DENND2C: variants seen among roughly 807,000 people sequenced by gnomAD.
DENND2C encodes DENN domain containing 2C.
DENND2C carries 72 observed loss-of-function variants against 112.4 expected under a neutral mutation model. The observed-to-expected ratio is 0.64, with a 90% CI of 0.53 to 0.78. The LOEUF is 0.78. DENND2C is among the 30% of genes least tolerant of loss of function. The pLI is 0.00. For missense variants in DENND2C, 992 were observed against 1,113.8 expected, an observed-to-expected ratio of 0.89 and a Z score of 1.56; for synonymous variants, 329 against 381.6, an observed-to-expected ratio of 0.86 and a Z score of 1.61.
At chr1:114,634,746 G>A (rs993646035) in intron 3 of DENND2C, among the ~76,000 whole-genome samples, 3 of 151,860 alleles carry the variant, frequency 2.0e-5, no homozygotes, top group Non-Finnish European at 4.4e-5. Flanking sequence ...ACTGGAACAC[G>A]GCCGGGCATG....
At chr1:114,621,811 T>C (rs542956959) in intron 7 of DENND2C, 84 bp downstream of exon 7, 45 of 1,502,330 alleles carry the variant, frequency 3.0e-5, no homozygotes, top group Admixed American at 8.3e-5. Context: ...TAACCTATTA[T>C]TCATTTCGGT....
At chr1:114,647,245 TAATGTAA>T (rs1222299883) in intron 2 of DENND2C, among the ~76,000 whole-genome samples, 3 of 152,050 alleles carry the variant, frequency 2.0e-5, no homozygotes, top group Non-Finnish European at 4.4e-5. Context: ...TATGAATATA[TAATGTAA>T]ACAACCCTTT....
At chr1:114,653,299 G>C (rs1007294344) in intron 2 of DENND2C, among the ~76,000 whole-genome samples, 3 of 151,858 alleles carry the variant, frequency 2.0e-5, no homozygotes, top group Non-Finnish European at 2.9e-5. Flanking sequence ...AGTAGAGATC[G>C]GGTTTCATCA....
At chr1:114,609,805 A>T (rs947052283) in intron 9 of DENND2C, among the ~76,000 whole-genome samples, 1 of 152,232 alleles carries the variant, frequency 6.6e-6, no homozygotes, top group Non-Finnish European at 1.5e-5. Context: ...GAGCATTTTT[A>T]AAAAATGCAT....
chr1:114,655,851 C>T (rs1394955008), intron 1 of DENND2C, among the ~76,000 whole-genome samples: 1 of 138,428 alleles, frequency 7.2e-6, no homozygotes, highest in East Asian at 2.3e-4. Context: ...CTTACATGTA[C>T]AGCTCAAAGA....
intron 1 of DENND2C, among the ~76,000 whole-genome samples, chr1:114,659,564 T>C (rs1236475583): frequency 6.6e-6 from 1 of 152,160 alleles, no homozygotes; most frequent in Admixed American, 6.5e-5. Context: ...AGTAGCCAGA[T>C]ATAGACAATA....
chr1:114,659,919 T>G (rs531385468), intron 1 of DENND2C, among the ~76,000 whole-genome samples: 3 of 151,328 alleles, frequency 2.0e-5, no homozygotes, highest in Non-Finnish European at 2.9e-5. Flanking sequence ...ATCTCCCGGA[T>G]AGCTAAGACC....
chr1:114,665,391 G>A (rs1473263889), intron 1 of DENND2C, among the ~76,000 whole-genome samples: 3 of 151,968 alleles, frequency 2.0e-5, no homozygotes, highest in African/African-American at 7.3e-5. Context: ...TTGCTATAAA[G>A]CTTTTTACAA....
At chr1:114,623,191 TC>T in intron 5 of DENND2C, 92 bp from the exon 6 acceptor site, 4 of 1,214,148 alleles carry the variant, frequency 3.3e-6, no homozygotes, top group Non-Finnish European at 4.5e-6. Context: ...CTAACTATGT[TC>T]AGCTTTCTTA....
intron 1 of DENND2C, among the ~76,000 whole-genome samples, chr1:114,662,620 C>T (rs1261544123): frequency 1.3e-5 from 2 of 151,558 alleles, no homozygotes; most frequent in Admixed American, 1.3e-4. Context: ...ACGCCACTAA[C>T]CAGAAGTCTA....
At chr1:114,643,730 GTAAGAATC>G (rs1656905191) in intron 3 of DENND2C, among the ~76,000 whole-genome samples, 2 of 152,134 alleles carry the variant, frequency 1.3e-5, no homozygotes, top group Non-Finnish European at 2.9e-5. Context: ...CAAGAAATAT[GTAAGAATC>G]TTTAAAAAAT....
At chr1:114,622,931 T>C in intron 6 of DENND2C, 56 bp downstream of exon 6, 11 of 1,378,558 alleles carry the variant, frequency 8.0e-6, no homozygotes, top group Non-Finnish European at 1.1e-5. Context: ...TTAATCTTTT[T>C]GTAGATACCA....
chr1:114,646,209 G>A (rs1290272685), intron 2 of DENND2C, among the ~76,000 whole-genome samples: 2 of 152,274 alleles, frequency 1.3e-5, no homozygotes, highest in Non-Finnish European at 2.9e-5. Flanking sequence ...TTACAGGTGT[G>A]AGCCACTGCG....
intron 18 of DENND2C, among the ~76,000 whole-genome samples, chr1:114,594,103 T>C (rs1026535449): frequency 6.6e-6 from 1 of 152,148 alleles, no homozygotes; most frequent in Non-Finnish European, 1.5e-5. Context: ...GCTAAGAGCC[T>C]TGAATAAAAT....
At chr1:114,610,990 C>T in intron 9 of DENND2C, 83 bp downstream of exon 9, 8 of 1,497,238 alleles carry the variant, frequency 5.3e-6, no homozygotes, top group Non-Finnish European at 7.4e-6. Flanking sequence ...TGGGAAAAAA[C>T]ATGCTTAGTC....
chr1:114,621,564 A>G (rs936292107), intron 7 of DENND2C, among the ~76,000 whole-genome samples: 7 of 152,222 alleles, frequency 4.6e-5, no homozygotes, highest in Non-Finnish European at 8.8e-5. Context: ...AGTGAATTAG[A>G]ACAACACTGA....
At chr1:114,603,768 GC>G (rs1655585626) in intron 11 of DENND2C, among the ~76,000 whole-genome samples, 1 of 151,712 alleles carries the variant, frequency 6.6e-6, no homozygotes, top group Non-Finnish European at 1.5e-5. Context: ...CTCAAACCTG[GC>G]CTCAAATGAT....
intron 3 of DENND2C, among the ~76,000 whole-genome samples, chr1:114,630,713 T>A (rs1041280509): frequency 6.6e-6 from 1 of 151,946 alleles, no homozygotes; most frequent in African/African-American, 2.4e-5. Flanking sequence ...CTACATAGAG[T>A]CCCCTTGAAT....
At chr1:114,617,312 TA>T (rs544156224) in intron 8 of DENND2C, among the ~76,000 whole-genome samples, 32 of 152,266 alleles carry the variant, frequency 2.1e-4, no homozygotes, top group African/African-American at 5.8e-4. Context: ...TAAAACTTAT[TA>T]TTTTTTTTCT....
Sources: allele counts gnomAD v4.1 joint callset (sites outside exome capture counted in the v4.1 genomes callset), GRCh38; gene constraint gnomAD v4.1.1; transcripts MANE v1.5; gene names NCBI Gene and HGNC (gene_info 2026-07-23, HGNC 2026-07-21).